The following MRPS6 variants were observed in gnomAD, a reference collection of about 807,000 sequenced individuals.
MRPS6 encodes mitochondrial ribosomal protein S6, also known as small ribosomal subunit protein bS6m.
In MRPS6, 6 loss-of-function variants were observed where a neutral mutation model predicts 13.1. That is an observed-to-expected ratio of 0.46 (90% confidence interval 0.25 to 0.91). MRPS6 has a LOEUF of 0.91. MRPS6 is among the 40% of genes least tolerant of loss of function. The probability of loss-of-function intolerance (pLI) is 0.18; values close to 1 mark genes in which losing one functional copy is unlikely to be tolerated. For missense variants in MRPS6, 164 were observed against 155.6 expected, an observed-to-expected ratio of 1.05 and a Z score of -0.29; for synonymous variants, 61 against 56.5, an observed-to-expected ratio of 1.08 and a Z score of -0.36.
intron 1 of MRPS6, chr21:34,104,866 C>CA (rs1205968568): frequency 2.0e-6 from 2 of 998,970 alleles, no homozygotes; most frequent in Non-Finnish European, 2.4e-6. Flanking sequence ...AAGAACTGTA[C>CA]AAAAAAATGC....
chr21:34,130,837 A>G (rs140558949), intron 2 of MRPS6, among the ~76,000 whole-genome samples: 39 of 152,318 alleles, frequency 2.6e-4, no homozygotes, highest in Admixed American at 1.6e-3. Flanking sequence ...GCTTTTCTAT[A>G]GAAAAGAGAG....
intron 2 of MRPS6, among the ~76,000 whole-genome samples, chr21:34,138,138 A>G (rs1051209776): frequency 1.3e-5 from 2 of 151,456 alleles, no homozygotes; most frequent in African/African-American, 2.4e-5. Flanking sequence ...TTTCTCGGTG[A>G]ATTTGTATCA....
chr21:34,137,615 C>T (rs1980755935), intron 2 of MRPS6, among the ~76,000 whole-genome samples: 1 of 152,124 alleles, frequency 6.6e-6, no homozygotes, highest in Non-Finnish European at 1.5e-5. Context: ...TGGCTAGAAC[C>T]TCCATTTCAG....
At chr21:34,076,615 T>C (rs1169610470) in intron 1 of MRPS6, among the ~76,000 whole-genome samples, 1 of 152,236 alleles carries the variant, frequency 6.6e-6, no homozygotes, top group Non-Finnish European at 1.5e-5. Flanking sequence ...AAGTACCATA[T>C]AGCTTGATTT....
intron 1 of MRPS6, chr21:34,101,087 C>T (rs1305698752): frequency 4.0e-6 from 4 of 999,966 alleles, no homozygotes; most frequent in Non-Finnish European, 4.8e-6. Flanking sequence ...TGTTAAATTA[C>T]GTGACTACAG....
intron 1 of MRPS6, among the ~76,000 whole-genome samples, chr21:34,085,033 T>C (rs1462284960): frequency 6.6e-6 from 1 of 152,262 alleles, no homozygotes; most frequent in African/African-American, 2.4e-5. Flanking sequence ...AAAACGGACA[T>C]TGATACGATA....
chr21:34,122,328 T>A (rs1980148431), intron 1 of MRPS6: 1 of 152,150 alleles, frequency 6.6e-6, no homozygotes, highest in Non-Finnish European at 1.5e-5. Flanking sequence ...TATGGTGAGG[T>A]AAGGTCTATG....
intron 1 of MRPS6, chr21:34,101,485 G>C: frequency 1.0e-6 from 1 of 1,000,090 alleles, no homozygotes; most frequent in Non-Finnish European, 1.2e-6. Flanking sequence ...ATAATAGCCT[G>C]AGCAGACTTC....
At chr21:34,075,666 T>TA (rs1989312522) in intron 1 of MRPS6, among the ~76,000 whole-genome samples, 1 of 152,166 alleles carries the variant, frequency 6.6e-6, no homozygotes, top group African/African-American at 2.4e-5. Flanking sequence ...ATGGCGAAGT[T>TA]ATGTTGAGGA....
intron 2 of MRPS6, among the ~76,000 whole-genome samples, chr21:34,130,674 A>C (rs1287544953): frequency 6.6e-6 from 1 of 152,192 alleles, no homozygotes; most frequent in Admixed American, 6.5e-5. Context: ...AGTTCTACCT[A>C]GGAAGAAGTT....
chr21:34,093,148 A>C (rs1280807282), intron 1 of MRPS6, among the ~76,000 whole-genome samples: 1 of 152,094 alleles, frequency 6.6e-6, no homozygotes, highest in Non-Finnish European at 1.5e-5. Flanking sequence ...AAAAACTTGG[A>C]AGCTTTTGGG....
At chr21:34,074,805 CGA>C (rs1471404381) in intron 1 of MRPS6, among the ~76,000 whole-genome samples, 1 of 152,194 alleles carries the variant, frequency 6.6e-6, no homozygotes, top group Non-Finnish European at 1.5e-5. Flanking sequence ...AGGTCAATTG[CGA>C]GGAGTATTAC....
At chr21:34,074,065 G>T (rs2148649370) in intron 1 of MRPS6, among the ~76,000 whole-genome samples, 1 of 147,668 alleles carries the variant, frequency 6.8e-6, no homozygotes, top group East Asian at 2.0e-4. Flanking sequence ...GCCGGCCCGC[G>T]GGAGTCCAGT....
chr21:34,129,831 G>C (rs1326609525), intron 2 of MRPS6, among the ~76,000 whole-genome samples: 1 of 152,156 alleles, frequency 6.6e-6, no homozygotes, highest in Non-Finnish European at 1.5e-5. Flanking sequence ...GGCCTTGGAG[G>C]TTTCTTTTTA....
intron 1 of MRPS6, chr21:34,099,934 A>G (rs1479558491): frequency 1.1e-5 from 4 of 365,176 alleles, no homozygotes; most frequent in African/African-American, 8.9e-5. Context: ...TAATTCAGGG[A>G]CCAGTCTTCA....
intron 1 of MRPS6, among the ~76,000 whole-genome samples, chr21:34,114,379 A>C (rs1979821386): frequency 6.6e-6 from 1 of 152,162 alleles, no homozygotes; most frequent in Admixed American, 6.5e-5. Flanking sequence ...CATTGCTTAA[A>C]ATCTTTTACA....
intron 1 of MRPS6, chr21:34,105,158 C>G (rs1443653658): frequency 7.0e-6 from 7 of 1,000,030 alleles, no homozygotes; most frequent in Non-Finnish European, 8.4e-6. Flanking sequence ...TTGCTTTCCC[C>G]CACTGTTACT....
At chr21:34,121,781 C>T (rs1195056030) in intron 1 of MRPS6, among the ~76,000 whole-genome samples, 1 of 152,128 alleles carries the variant, frequency 6.6e-6, no homozygotes, top group Non-Finnish European at 1.5e-5. Context: ...AACTTTTTCC[C>T]CTCTAAGCGT....
intron 1 of MRPS6, chr21:34,124,091 T>C (rs1237638154): frequency 1.3e-5 from 2 of 152,248 alleles, no homozygotes; most frequent in Non-Finnish European, 1.5e-5. Context: ...GAGAGCCGTC[T>C]GTGCAGGTGA....
Sources: allele counts gnomAD v4.1 joint callset (sites outside exome capture counted in the v4.1 genomes callset), GRCh38; gene constraint gnomAD v4.1.1; transcripts MANE v1.5; gene names NCBI Gene and HGNC (gene_info 2026-07-23, HGNC 2026-07-21).